Variants in POLR3E observed in about 807,000 individuals in gnomAD.
POLR3E encodes RNA polymerase III subunit E.
POLR3E carries 41 observed loss-of-function variants against 96.6 expected under a neutral mutation model. The ratio of observed to expected loss-of-function variants is 0.42; its 90% CI spans 0.33 to 0.55. POLR3E has a LOEUF of 0.55. POLR3E is among the 20% of genes least tolerant of loss of function. The pLI is 0.06. For missense variants in POLR3E, 849 were observed against 952.1 expected (o/e 0.89, Z 1.43); for synonymous variants, 396 against 383.6 (o/e 1.03, Z -0.38).
At chr16:22,308,012 A>G (rs2048170153) in intron 3 of POLR3E, 136 bp from the exon 4 acceptor site, 2 of 655,732 alleles carry the variant, frequency 3.1e-6, no homozygotes, top group African/African-American at 1.8e-5. Flanking sequence ...AGGGCTGGGC[A>G]GCTTGTACCC....
rs369846260 is a variant in POLR3E at position 22,316,699 on chromosome 16, G to A, written c.728+13G>A. The A allele has an allele frequency of 5.0e-6, 8 of 1,608,326 alleles. No individual in the cohort carries two copies. Among genetic ancestry groups the A allele is most frequent in the Non-Finnish European group, 6.8e-6 (8 of 1,174,874 alleles). On this transcript the variant is annotated intron_variant, in intron 10 of 20. Transcript: ENST00000299853. Reference sequence around the variant, plus strand: ...TCAAGTCACCCAGGTGGGATGGGCTGGGCCAGCATGCAAACTGGATGCCTG... The same window carrying A: ...TCAAGTCACCCAGGTGGGATGGGCTAGGCCAGCATGCAAACTGGATGCCTG...
At position 22,330,988 on chromosome 16, in the gene POLR3E, CTTTTTTTTTTTTTTTTTTT is replaced by C. The variant is rs56100056; in HGVS notation, c.1945-1056_1945-1038del. On this transcript the variant is annotated intron_variant, in intron 19 of 20. Coordinates refer to ENST00000299853, the MANE Select transcript of POLR3E (RefSeq NM_018119.4). ...GACAAATAGTGATACATGAAGCATC[CTTTTTTTTTTTTTTTTTTT>C]TTTTTTTTTTTTTTTGAGACAGAGT... 6.6e-3 allele frequency among the ~76,000 whole-genome samples: 334 copies of C among 50,808 alleles called. 2 individuals carry two copies. Among genetic ancestry groups the C allele is most frequent in the African/African-American group, 0.018 (311 of 17,520 alleles). The allele number at this position is 50,808 out of a possible 152,430, so 33.3% of individuals were successfully genotyped here.
chr16:22,314,058 A>G (rs1567316750), intron 7 of POLR3E, 21 bp from the exon 8 acceptor site: 3 of 1,611,138 alleles, frequency 1.9e-6, no homozygotes, highest in Admixed American at 1.7e-5. Flanking sequence ...GACTGCAGTC[A>G]GTGGCTTGTC....
chr16:22,324,275 G>A, intron 14 of POLR3E, 79 bp from the exon 15 acceptor site: 4 of 1,175,966 alleles, frequency 3.4e-6, no homozygotes, highest in South Asian at 1.2e-5. Flanking sequence ...CAGCTCCCAG[G>A]CCTGCCAGGT....
rs746539128 is a variant in POLR3E at position 22,318,963 on chromosome 16, AT to A, written c.986+23del. 52 of 1,554,628 alleles carry A rather than the reference AT, an allele frequency of 3.3e-5. No individual in the cohort carries two copies. The East Asian group carries it at 1.0e-3, about 30-fold the overall frequency. On this transcript the variant is annotated intron_variant, in intron 13 of 20. Transcript: ENST00000299853. This position sits in a 1 kb window ranked among gnomAD's most constrained non-coding sequence, Gnocchi z 5.0. ...GGTGAAGAGGTAAGTTGCTTTTTTT[AT>A]TTTTTATTTTTATTTATTTTTTTCC...
Position 22,305,192 on chromosome 16 carries a change from CTG to C in POLR3E, c.75_76del (p.Tyr26SerfsTer15). On this transcript the variant is annotated frameshift_variant, in exon 3 of 21. Coordinates refer to ENST00000299853, the MANE Select transcript of POLR3E (RefSeq NM_018119.4). LOFTEE classifies it high-confidence loss of function. ...CTTGGCCAAGAGTCTGGCGGAAAAG[CTG>C]TATCTATTTCAGGTAATTATGGGAC... is the stretch of plus-strand genomic sequence containing the variant. ...VYLAKSLAEK[L>X]YLFQYPVRPA... 1 of 1,612,226 alleles carries C rather than the reference CTG, an allele frequency of 6.2e-7. No homozygotes were observed. Among genetic ancestry groups the C allele is most frequent in the Non-Finnish European group, 8.5e-7 (1 of 1,178,394 alleles).
intron 1 of POLR3E, 57 bp downstream of exon 1, chr16:22,297,594 C>G (rs2047919414): frequency 1.3e-5 from 2 of 152,438 alleles, no homozygotes; most frequent in Admixed American, 6.5e-5. Context: ...GCACTCACGA[C>G]GTGGGCCTGG....
At position 22,325,858 on chromosome 16, in the gene POLR3E, G is replaced by A. The variant is rs369541599; in HGVS notation, c.1446G>A (p.Arg482=). The A allele has an allele frequency of 2.5e-4, 405 of 1,612,050 alleles. No homozygotes were observed. The highest frequency in any genetic ancestry group is 3.5e-4 in the Middle Eastern group (2 of 5,720). Residue 482 remains arginine, a synonymous_variant, in exon 18 of 21, where the codon CGG becomes CGA. Transcript: ENST00000299853. ...TGCTGGAGCGGGAGCTGCAGCGGCGGAAGGAGCAGCTGCGGGTGCCTGCGG... is the reference window on the plus strand; with the variant it reads ...TGCTGGAGCGGGAGCTGCAGCGGCGAAAGGAGCAGCTGCGGGTGCCTGCGG... ...HALLERELQR[R]KEQLRVPAVP... is the part of the protein sequence containing the mutation.
chr16:22,331,783 C>T (rs766887198), intron 19 of POLR3E: 1 of 284,300 alleles, frequency 3.5e-6, no homozygotes, highest in Non-Finnish European at 6.8e-6. Flanking sequence ...TGTCTCTTCA[C>T]CAGTTCTTTT....
rs2048533222 is a variant in POLR3E, at chr16:22,324,373, G to C, written c.1088G>C (p.Ser363Thr). Residue 363 changes from serine to threonine, a missense_variant, in exon 15 of 21, where the codon AGC (serine) becomes ACC (threonine). Coordinates refer to ENST00000299853, the MANE Select transcript of POLR3E (RefSeq NM_018119.4). ...CCTCAGATGTGGAAGTTCACGCAGAGCCGCTGGGTGGTTAGGAAAGAGGTG... is the reference window on the plus strand; with the variant it reads ...CCTCAGATGTGGAAGTTCACGCAGACCCGCTGGGTGGTTAGGAAAGAGGTG... ...RDFVMWKFTQ[S>T]RWVVRKEVAT... is the part of the protein sequence containing the mutation. 1 of 1,612,874 alleles carries C rather than the reference G, an allele frequency of 6.2e-7. No individual in the cohort carries two copies. The highest frequency in any genetic ancestry group is 1.3e-5 in the African/African-American group (1 of 74,794).
chr16:22,301,108 C>T (rs2048010761), intron 1 of POLR3E, among the ~76,000 whole-genome samples: 1 of 142,888 alleles, frequency 7.0e-6, no homozygotes, highest in Admixed American at 7.5e-5. Context: ...CACAAGGTGA[C>T]ATTTGAGCAA....
At chr16:22,308,263 G>A (rs2048175962) in intron 4 of POLR3E, 38 bp downstream of exon 4, 3 of 1,475,942 alleles carry the variant, frequency 2.0e-6, no homozygotes, top group South Asian at 2.3e-5. Context: ...GGCCGAAAGA[G>A]AGGGTGATGA....
At position 22,311,261 on chromosome 16, in the gene POLR3E, G is replaced by A. The variant is rs368575857; in HGVS notation, c.364+1751G>A. On this transcript the variant is annotated intron_variant, in intron 6 of 20. Coordinates refer to ENST00000299853, the MANE Select transcript of POLR3E (RefSeq NM_018119.4). ...TGGGATTATAGGCATGAGCCACTGT[G>A]CCCAGCCTTTTTTTTTTTTTTTTTT... is the stretch of plus-strand genomic sequence containing the variant. Among the ~76,000 whole-genome samples, 230 of 132,494 alleles carry A rather than the reference G, an allele frequency of 1.7e-3. 1 individual carries two copies. Among genetic ancestry groups the A allele is most frequent in the African/African-American group, 6.3e-3 (218 of 34,828 alleles). 86.9% of individuals were successfully genotyped at this position (132,494 alleles called of 152,430 possible).
rs2048105863 is a variant in POLR3E at position 22,305,051 on chromosome 16, T to G, written c.37-105T>G. 3 of 862,654 alleles carry G rather than the reference T, an allele frequency of 3.5e-6. No individual in the cohort carries two copies. The Admixed American group carries it at 5.1e-5, about 15-fold the overall frequency. 53.4% of individuals were successfully genotyped at this position (862,654 alleles called of 1,614,324 possible). A position where few individuals can be genotyped will look rare whatever the true frequency, so the allele number is the denominator to read the frequency against. ...GCTATTTCCTCCTTCCCCAAACTGC[T>G]TCCCTGAGCCACTGCCCTTAACTGA... On this transcript the variant is annotated intron_variant, in intron 2 of 20. Transcript: ENST00000299853.
At chr16:22,297,864 C>T (rs992901661) in intron 1 of POLR3E, among the ~76,000 whole-genome samples, 1 of 152,214 alleles carries the variant, frequency 6.6e-6, no homozygotes. Flanking sequence ...GGTGTAGTGG[C>T]GGCTCGCGGC....
intron 13 of POLR3E, among the ~76,000 whole-genome samples, chr16:22,319,379 G>A (rs2048424073): frequency 6.6e-6 from 1 of 151,934 alleles, no homozygotes; most frequent in Non-Finnish European, 1.5e-5. Flanking sequence ...TGCCTACATT[G>A]CATTTAAACT....
At chr16:22,300,736 C>T (rs1236426792) in intron 1 of POLR3E, among the ~76,000 whole-genome samples, 2 of 152,240 alleles carry the variant, frequency 1.3e-5, no homozygotes, top group African/African-American at 4.8e-5. Flanking sequence ...ATCTCTGGGA[C>T]TGTTACGATA....
In POLR3E at chr16:22,318,100, C is replaced by CTT. The variant is rs140511134; in HGVS notation, c.866-714_866-713dup. Among the ~76,000 whole-genome samples, 5 of 145,392 alleles carry CTT rather than the reference C, an allele frequency of 3.4e-5. No homozygotes were observed. The highest frequency in any genetic ancestry group is 2.0e-4 in the East Asian group (1 of 5,044). On this transcript the variant is annotated intron_variant, in intron 12 of 20. Transcript: ENST00000299853. This position sits in a 1 kb window ranked among gnomAD's most constrained non-coding sequence, Gnocchi z 5.0. Reference sequence around the variant, plus strand: ...CTTCCTTCCTGCAGAGGACTTCGAACTTTTTTTTTTTTTGAGACAGTCTTG... The same window carrying CTT: ...CTTCCTTCCTGCAGAGGACTTCGAACTTTTTTTTTTTTTTTGAGACAGTCTTG...
intron 1 of POLR3E, chr16:22,298,820 A>G (rs1313873714): frequency 1.1e-5 from 4 of 352,068 alleles, no homozygotes; most frequent in African/African-American, 8.6e-5. Context: ...TATTCTTTGT[A>G]CTATATTGAG....
Sources: allele counts gnomAD v4.1 joint callset (sites outside exome capture counted in the v4.1 genomes callset), GRCh38; gene constraint gnomAD v4.1.1; non-coding constraint Gnocchi (gnomAD v3.1); transcripts MANE v1.5; gene names NCBI Gene and HGNC (gene_info 2026-07-23, HGNC 2026-07-21).